PRMT3: variants seen among roughly 807,000 people sequenced by gnomAD.
PRMT3 encodes protein arginine methyltransferase 3.
Under a neutral mutation model 71.9 loss-of-function variants are expected in PRMT3, and 62 were observed. The ratio of observed to expected loss-of-function variants is 0.86; its 90% CI spans 0.70 to 1.07. PRMT3 has a LOEUF of 1.07. Among genes scored for constraint, PRMT3 ranks in the 50% least tolerant of loss-of-function variants. The pLI, the probability that PRMT3 is intolerant of heterozygous loss-of-function variation, is 0.00. For synonymous variants in PRMT3, 213 were observed against 220.4 expected, an observed-to-expected ratio of 0.97 and a Z score of 0.30; for missense variants, 663 against 643.0, an observed-to-expected ratio of 1.03 and a Z score of -0.34.
intron 5 of PRMT3, among the ~76,000 whole-genome samples, chr11:20,394,879 A>C (rs902078287): frequency 8.5e-5 from 13 of 152,110 alleles, no homozygotes; most frequent in Admixed American, 8.5e-4. Flanking sequence ...ATGTTCATTC[A>C]TATTTTCATA....
At chr11:20,401,579 G>A (rs566798303) in intron 7 of PRMT3, among the ~76,000 whole-genome samples, 8 of 151,880 alleles carry the variant, frequency 5.3e-5, no homozygotes, top group African/African-American at 1.4e-4. Context: ...AATGTATTGG[G>A]GGTATGAGTT....
chr11:20,442,554 A>G lies in PRMT3; in HGVS notation c.994-9576A>G, dbSNP rs537293056. 7.7e-4 allele frequency among the ~76,000 whole-genome samples: 117 copies of G among 152,176 alleles called. 1 individual carries two copies. Among genetic ancestry groups the G allele is most frequent in the South Asian group, 2.5e-3 (12 of 4,818 alleles). ...GTTAGCATATTCTAGATATTGTTCT[A>G]TACTTTGCTTTTATTCAATTAAAAT... On this transcript the variant is annotated intron_variant, in intron 10 of 15. Transcript: ENST00000331079.
chr11:20,470,283 G>T (rs1850612268), intron 13 of PRMT3, among the ~76,000 whole-genome samples: 2 of 152,116 alleles, frequency 1.3e-5, no homozygotes, highest in Admixed American at 1.3e-4. Flanking sequence ...TGCAGGATGT[G>T]CAGGTTTGTT....
chr11:20,406,531 A>G (rs1387581287), intron 8 of PRMT3: 1 of 152,184 alleles, frequency 6.6e-6, no homozygotes, highest in Non-Finnish European at 1.5e-5. Flanking sequence ...CATTTTGCTT[A>G]TCCATTCATT....
intron 13 of PRMT3, among the ~76,000 whole-genome samples, chr11:20,468,797 T>C (rs1850574198): frequency 6.6e-6 from 1 of 152,232 alleles, no homozygotes; most frequent in South Asian, 2.1e-4. Flanking sequence ...ATGTATGCTA[T>C]AGACTGATAA....
chr11:20,424,268 G>A (rs999373509), intron 9 of PRMT3, among the ~76,000 whole-genome samples: 4 of 24,584 alleles, frequency 1.6e-4, no homozygotes, highest in Middle Eastern at 0.042. Context: ...ACTTTAAGGA[G>A]GTACTATCAA....
chr11:20,494,291 T>C (rs1590109651), intron 15 of PRMT3, 37 bp downstream of exon 15: 2 of 1,454,190 alleles, frequency 1.4e-6, no homozygotes, highest in African/African-American at 2.8e-5. Context: ...ATCTTATTCA[T>C]TCTGAAGTAA....
chr11:20,402,395 AGGT>A (rs1848969605), intron 7 of PRMT3, among the ~76,000 whole-genome samples: 3 of 152,130 alleles, frequency 2.0e-5, no homozygotes, highest in Non-Finnish European at 4.4e-5. Flanking sequence ...CTGGGATTAC[AGGT>A]GTGAGCCACT....
intron 9 of PRMT3, among the ~76,000 whole-genome samples, chr11:20,413,202 C>T (rs1297924122): frequency 6.6e-6 from 1 of 152,038 alleles, no homozygotes; most frequent in African/African-American, 2.4e-5. Flanking sequence ...TCTTATGTGT[C>T]TCTCCTTTGT....
At chr11:20,431,149 A>T (rs939424231) in intron 10 of PRMT3, among the ~76,000 whole-genome samples, 3 of 152,124 alleles carry the variant, frequency 2.0e-5, no homozygotes, top group Non-Finnish European at 4.4e-5. Flanking sequence ...CGGAATGTGA[A>T]TTGTAAAATT....
At chr11:20,388,299 G>A (rs1041317604) in intron 2 of PRMT3, 145 bp downstream of exon 2, 16 of 1,218,672 alleles carry the variant, frequency 1.3e-5, no homozygotes, top group African/African-American at 1.5e-5. Flanking sequence ...GAGGGCTTGT[G>A]GAGAAGGAGG....
chr11:20,455,521 A>C (rs1284256896), intron 11 of PRMT3, among the ~76,000 whole-genome samples: 2 of 152,136 alleles, frequency 1.3e-5, no homozygotes. Context: ...AAAAAGAGTG[A>C]GTTTTGCTGC....
intron 11 of PRMT3, among the ~76,000 whole-genome samples, chr11:20,457,619 G>GA (rs1477216546): frequency 3.9e-5 from 6 of 152,140 alleles, no homozygotes; most frequent in African/African-American, 1.4e-4. Flanking sequence ...AGTTACAACT[G>GA]GTGAACATGA....
chr11:20,479,574 A>C (rs1249289923), intron 13 of PRMT3, among the ~76,000 whole-genome samples: 1 of 152,194 alleles, frequency 6.6e-6, no homozygotes, highest in African/African-American at 2.4e-5. Flanking sequence ...AAATGACATA[A>C]TATAGGGTAC....
intron 5 of PRMT3, among the ~76,000 whole-genome samples, chr11:20,395,525 T>A (rs1159511417): frequency 6.6e-6 from 1 of 151,756 alleles, no homozygotes; most frequent in Non-Finnish European, 1.5e-5. Flanking sequence ...TTGTATTTTT[T>A]TTTTTTTAGT....
Position 20,508,320 on chromosome 11 carries a change from A to G in PRMT3, c.1503A>G (p.Gly501=), listed in dbSNP as rs926354942. Residue 501 remains glycine (G), a synonymous_variant, in exon 16 of 16, where the codon GGA becomes GGG. Transcript: ENST00000331079. ...GTTTTACAGGTGAAGCCTTGAAAGG[A>G]AAGGTCACAGTTCACAAGAATAAGA... The part of the protein sequence containing the change: ...FSVKAGEALK[G]KVTVHKNKKD... 3 of 1,607,776 alleles carry G rather than the reference A, an allele frequency of 1.9e-6. No individual in the cohort carries two copies. Among genetic ancestry groups the G allele is most frequent in the Admixed American group, 1.7e-5 (1 of 59,984 alleles).
At chr11:20,435,034 G>A (rs757095130) in intron 10 of PRMT3, among the ~76,000 whole-genome samples, 1 of 152,016 alleles carries the variant, frequency 6.6e-6, no homozygotes, top group East Asian at 1.9e-4. Flanking sequence ...TTTTGTAAAA[G>A]CTATTTAATT....
chr11:20,397,130 C>T (rs1407182172), intron 6 of PRMT3, among the ~76,000 whole-genome samples: 5 of 151,980 alleles, frequency 3.3e-5, no homozygotes, highest in African/African-American at 1.2e-4. Flanking sequence ...CTGGAGTGGG[C>T]GGTGCTGGTG....
intron 5 of PRMT3, among the ~76,000 whole-genome samples, chr11:20,394,019 A>C (rs2133299329): frequency 6.6e-6 from 1 of 152,336 alleles, no homozygotes; most frequent in East Asian, 1.9e-4. Context: ...GACACCCTGC[A>C]CTGCTTTTAT....
Sources: allele counts gnomAD v4.1 joint callset (sites outside exome capture counted in the v4.1 genomes callset), GRCh38; gene constraint gnomAD v4.1.1; transcripts MANE v1.5; gene names NCBI Gene and HGNC (gene_info 2026-07-23, HGNC 2026-07-21).